Variants in PLXNA1 observed in about 807,000 individuals in gnomAD.
The protein encoded by PLXNA1 is plexin-A1.
A neutral mutation model predicts 191.7 loss-of-function variants in PLXNA1; 77 were observed. The ratio of observed to expected loss-of-function variants is 0.40; its 90% CI spans 0.33 to 0.49. The LOEUF (loss-of-function observed/expected upper bound fraction) is 0.49, where lower values mean the gene tolerates loss of function less well. Among genes scored for constraint, PLXNA1 ranks in the 20% least tolerant of loss-of-function variants. The probability of loss-of-function intolerance (pLI) is 0.63; values close to 1 mark genes in which losing one functional copy is unlikely to be tolerated. For missense variants in PLXNA1, 2,110 were observed against 2,660.2 expected, an observed-to-expected ratio of 0.79 and a Z score of 4.55; for synonymous variants, 1,137 against 1,156.4, an observed-to-expected ratio of 0.98 and a Z score of 0.34.
At chr3:126,993,829 G>A (rs1417676362) in intron 3 of PLXNA1, among the ~76,000 whole-genome samples, 3 of 152,210 alleles carry the variant, frequency 2.0e-5, no homozygotes, top group Non-Finnish European at 2.9e-5. Flanking sequence ...TGAAGAACCT[G>A]CCGCCTGTAC....
chr3:127,017,828 T>C lies in PLXNA1; in HGVS notation c.3596T>C (p.Leu1199Pro). 6.2e-7 allele frequency: 1 copy of C among 1,612,912 alleles called. No homozygotes were observed. ...CTCATCGGCTCCACACCCTGTACCC[T>C]CACCGTGTCGGAGACGCAACTGCTG... is the stretch of plus-strand genomic sequence containing the variant. ...TVLIGSTPCT[L>P]TVSETQLLCE... The change falls in exon 19 of 32, where the codon CTC (leucine) becomes CCC (proline). Residue 1199 changes from leucine to proline, a missense_variant. Physicochemically the swap from Leu to Pro is moderately conservative, Grantham distance 98. Coordinates refer to ENST00000393409, the MANE Select transcript of PLXNA1 (RefSeq NM_032242.4).
At position 126,989,400 on chromosome 3, in the gene PLXNA1, G is replaced by A. The variant is rs774730672; in HGVS notation, c.807G>A (p.Ser269=). The stretch of plus-strand genomic sequence containing the variant: ...TGCAGCTAGACACACAGCTGACCTC[G>A]CCTGATGCCGCCGGCGAGCACTTCT... ...LTLQLDTQLT[S]PDAAGEHFFT... Residue 269 remains serine (S), a synonymous_variant, in exon 2 of 32, where the codon TCG becomes TCA. Coordinates refer to ENST00000393409, the MANE Select transcript of PLXNA1 (RefSeq NM_032242.4). The A allele has an allele frequency of 4.3e-6, 7 of 1,613,504 alleles. No homozygotes were observed. The highest frequency in any genetic ancestry group is 2.2e-5 in the East Asian group (1 of 44,882).
intron 10 of PLXNA1, 109 bp downstream of exon 10, chr3:127,012,267 C>A: frequency 1.8e-6 from 2 of 1,127,394 alleles, no homozygotes; most frequent in South Asian, 3.0e-5. Flanking sequence ...TGCACGTGCT[C>A]ACGTGTATCT....
intron 3 of PLXNA1, among the ~76,000 whole-genome samples, chr3:127,000,437 G>A (rs12631849): frequency 0.1 from 15,634 of 152,156 alleles, 1,033 homozygotes; most frequent in East Asian, 0.24. Flanking sequence ...GTGGGCTCCC[G>A]GCCGGCGTGT....
intron 17 of PLXNA1, 129 bp from the exon 18 acceptor site, chr3:127,017,296 A>G: frequency 1.5e-6 from 2 of 1,374,478 alleles, no homozygotes; most frequent in South Asian, 1.4e-5. Flanking sequence ...GTGGCCCAGG[A>G]CCAGCCCTGC....
At chr3:127,002,307 G>T (rs1409712254) in intron 3 of PLXNA1, among the ~76,000 whole-genome samples, 2 of 152,222 alleles carry the variant, frequency 1.3e-5, no homozygotes, top group African/African-American at 4.8e-5. Context: ...GGGGTGGCCG[G>T]CGGCGCTCAG....
Position 127,004,957 on chromosome 3 carries a change from G to A in PLXNA1, c.1692G>A (p.Val564=). Residue 564 remains valine, a synonymous_variant, in exon 6 of 32, where the codon GTG becomes GTA. Transcript: ENST00000393409. ...TTGCTGCGGACCTGCTGCAGTGTGTGCAGCTGACTGTGCAGCCCCGCAATG... is the reference window on the plus strand; with the variant it reads ...TTGCTGCGGACCTGCTGCAGTGTGTACAGCTGACTGTGCAGCCCCGCAATG... ...QRFAADLLQC[V]QLTVQPRNVS... The A allele has an allele frequency of 4.3e-6, 7 of 1,610,798 alleles. No individual in the cohort carries two copies. Among genetic ancestry groups the A allele is most frequent in the Non-Finnish European group, 8.5e-7 (1 of 1,178,392 alleles).
intron 17 of PLXNA1, 27 bp downstream of exon 17, chr3:127,017,064 C>T: frequency 1.9e-6 from 3 of 1,591,132 alleles, no homozygotes; most frequent in Non-Finnish European, 2.6e-6. Flanking sequence ...AGCTGCCCAC[C>T]TCGGTCCAGG....
chr3:126,999,680 G>C lies in PLXNA1; in HGVS notation c.1378-3650G>C, dbSNP rs184651695. 6.3e-3 allele frequency among the ~76,000 whole-genome samples: 961 copies of C among 152,326 alleles called. 7 individuals are homozygous for C. The highest frequency in any genetic ancestry group is 0.022 in the African/African-American group (901 of 41,576). Reference sequence around the variant, plus strand: ...TGCCCGCCGGCAGCAGTTGGCCAGGGCTGTGGCGGTGATGGGAGTGGGTAC... The same window carrying C: ...TGCCCGCCGGCAGCAGTTGGCCAGGCCTGTGGCGGTGATGGGAGTGGGTAC... On this transcript the variant is annotated intron_variant, in intron 3 of 31. Coordinates refer to ENST00000393409, the MANE Select transcript of PLXNA1 (RefSeq NM_032242.4).
At chr3:127,012,334 G>A (rs1292858085) in intron 10 of PLXNA1, among the ~76,000 whole-genome samples, 176 bp downstream of exon 10, 1 of 152,248 alleles carries the variant, frequency 6.6e-6, no homozygotes, top group African/African-American at 2.4e-5. Flanking sequence ...CCCTTCAGAT[G>A]TGCCTGGGTC....
In PLXNA1 at chr3:127,035,988, G is replaced by A. The variant is rs1016917820; in HGVS notation, c.*1971G>A. On this transcript the variant is annotated 3_prime_UTR_variant, in exon 32 of 32. Coordinates refer to ENST00000393409, the MANE Select transcript of PLXNA1 (RefSeq NM_032242.4). The stretch of plus-strand genomic sequence containing the variant: ...CCAGCCCCTGCCCCCAGCCCACTGA[G>A]GGGGTGGGCTTACTCCCTGGGCAGT... 6.5e-6 allele frequency: 1 copy of A among 152,726 alleles called. No individual in the cohort carries two copies. The highest frequency in any genetic ancestry group is 6.5e-5 in the Admixed American group (1 of 15,286). 9.5% of individuals were successfully genotyped at this position (152,726 alleles called of 1,614,324 possible).
At chr3:127,024,962 C>G (rs1363687398) in intron 23 of PLXNA1, among the ~76,000 whole-genome samples, 1 of 152,104 alleles carries the variant, frequency 6.6e-6, no homozygotes, top group East Asian at 1.9e-4. Context: ...ACAGAAGGTA[C>G]AGAGGTTTCC....
rs779697902 is a variant in PLXNA1 at position 127,014,482 on chromosome 3, C to T, written c.2609C>T (p.Ser870Phe). The change falls in exon 13 of 32, where the codon TCC becomes TTC. Residue 870 changes from serine to phenylalanine, a missense_variant. Physicochemically the swap from Ser to Phe is radical, Grantham distance 155. Coordinates refer to ENST00000393409, the MANE Select transcript of PLXNA1 (RefSeq NM_032242.4). ...CCCAGCCTCTGCCTCCCTCAGCTGT[C>T]CCCCGAGACGGGCCCGAGGCAGGGC... Reference protein sequence around the residue: ...RCTDPKILKLSPETGPRQGGT... With the variant: ...RCTDPKILKLFPETGPRQGGT... 3.7e-6 allele frequency: 6 copies of T among 1,602,056 alleles called. No homozygotes were observed. The highest frequency in any genetic ancestry group is 1.3e-5 in the African/African-American group (1 of 74,904).
rs202031468 is a variant in PLXNA1 at position 127,030,078 on chromosome 3, G to A, written c.5061+14G>A. ...CTGGCCACCAAGGTGGGCCTGGCTG[G>A]CAGATGGGGGCAGGGGACGCTGGGC... On this transcript the variant is annotated intron_variant, in intron 28 of 31. Transcript: ENST00000393409. The A allele has an allele frequency of 6.2e-7, 1 of 1,608,670 alleles. No homozygotes were observed. The highest frequency in any genetic ancestry group is 8.5e-7 in the Non-Finnish European group (1 of 1,176,048).
At chr3:127,017,177 AC>A in intron 17 of PLXNA1, 140 bp downstream of exon 17, 1 of 984,748 alleles carries the variant, frequency 1.0e-6, no homozygotes. Flanking sequence ...GTGCCTGGAG[AC>A]CCCTGGGGAG....
In PLXNA1 at chr3:127,018,463, C is replaced by T; in HGVS notation, c.3830C>T (p.Thr1277Ile). Reference sequence around the variant, plus strand: ...CGCAAGTCACGAGATGCTGACCGCACACTCAAGCGGCTGCAGCTCCAGATG... The same window carrying T: ...CGCAAGTCACGAGATGCTGACCGCATACTCAAGCGGCTGCAGCTCCAGATG... ...YKRKSRDADRTLKRLQLQMDN... is the reference protein window; with the variant it reads ...YKRKSRDADRILKRLQLQMDN... The change falls in exon 20 of 32, where the codon ACA becomes ATA. Residue 1277 changes from threonine (T) to isoleucine (I), a missense_variant. Thr to Ile is a moderately conservative substitution (Grantham distance 89, BLOSUM62 -1). Around this residue, in one of 4 missense-constraint regions of PLXNA1, gnomAD observed 559 missense variants for 911.5 expected, o/e 0.61. Coordinates refer to ENST00000393409, the MANE Select transcript of PLXNA1 (RefSeq NM_032242.4). 6.2e-7 allele frequency: 1 copy of T among 1,613,014 alleles called. No individual in the cohort carries two copies. Among genetic ancestry groups the T allele is most frequent in the Non-Finnish European group, 8.5e-7 (1 of 1,179,932 alleles).
intron 9 of PLXNA1, among the ~76,000 whole-genome samples, chr3:127,008,760 G>A (rs1455036543): frequency 2.0e-5 from 3 of 152,120 alleles, no homozygotes; most frequent in Non-Finnish European, 4.4e-5. Context: ...GGGGGCTGAG[G>A]AAGTTGCATG....
rs746411729 is a variant in PLXNA1, at chr3:126,988,626, C to CCTG, written c.46_48dup (p.Leu21dup). ...TGCCACCGCGGAGCCTGCAGGTGCTCCTGCTGCTGCTGCTGTTGCTGCTGC... is the reference window on the plus strand; with the variant it reads ...TGCCACCGCGGAGCCTGCAGGTGCTCCTGCTGCTGCTGCTGCTGTTGCTGCTGC... On this transcript the variant is annotated inframe_insertion, in exon 2 of 32. Coordinates refer to ENST00000393409, the MANE Select transcript of PLXNA1 (RefSeq NM_032242.4). The CCTG allele has an allele frequency of 7.6e-6, 12 of 1,569,422 alleles. No individual in the cohort carries two copies. The highest frequency in any genetic ancestry group is 1.2e-5 in the South Asian group (1 of 83,138).
chr3:127,009,866 T>A (rs755604145), intron 9 of PLXNA1, among the ~76,000 whole-genome samples: 1 of 152,230 alleles, frequency 6.6e-6, no homozygotes, highest in South Asian at 2.1e-4. Flanking sequence ...GGCTCCCACG[T>A]GGAGCCCCCA....
Sources: allele counts gnomAD v4.1 joint callset (sites outside exome capture counted in the v4.1 genomes callset), GRCh38; gene constraint gnomAD v4.1.1; regional missense constraint gnomAD v4.1.1; transcripts MANE v1.5; gene names NCBI Gene and HGNC (gene_info 2026-07-23, HGNC 2026-07-21).